The following ALDH4A1 variants were observed in gnomAD, a reference collection of about 807,000 sequenced individuals.
ALDH4A1 encodes the protein aldehyde dehydrogenase 4 family member A1, also known as delta-1-pyrroline-5-carboxylate dehydrogenase, mitochondrial.
Under a neutral mutation model 70.5 loss-of-function variants are expected in ALDH4A1, and 46 were observed. The ratio of observed to expected loss-of-function variants is 0.65; its 90% CI spans 0.51 to 0.83. ALDH4A1 has a LOEUF of 0.83. ALDH4A1 is among the 40% of genes least tolerant of loss of function. The probability of loss-of-function intolerance (pLI) is 0.00; values close to 1 mark genes in which losing one functional copy is unlikely to be tolerated. For synonymous variants in ALDH4A1, 323 were observed against 324.3 expected (o/e 1.00, Z 0.04); for missense variants, 749 against 766.5 (o/e 0.98, Z 0.27).
intron 7 of ALDH4A1, chr1:18,882,542 G>A (rs1406183016): frequency 1.5e-5 from 8 of 528,594 alleles, no homozygotes; most frequent in African/African-American, 3.9e-5. Flanking sequence ...AACCCCGAGA[G>A]AGACTACATC....
chr1:18,896,035 G>A (rs1051642284), intron 1 of ALDH4A1, among the ~76,000 whole-genome samples: 2 of 152,064 alleles, frequency 1.3e-5, no homozygotes, highest in African/African-American at 4.8e-5. Context: ...CGGTCACCCC[G>A]GTCTCTTCTG....
Position 18,875,382 on chromosome 1 carries a change from T to G in ALDH4A1, c.1460A>C (p.Lys487Thr). Residue 487 changes from lysine (K) to threonine (T), a missense_variant and splice_region_variant, in exon 13 of 15, where the codon AAG becomes ACG. Coordinates refer to ENST00000375341, the MANE Select transcript of ALDH4A1 (RefSeq NM_003748.4). ...CCAGGGCTGCGGCCTGGCCACTCAC[T>G]TATCCTGGGAGAACACTGCCCCCGT... Reference protein sequence around the residue: ...GLTGAVFSQDKDVVQEATKVL... With the variant: ...GLTGAVFSQDTDVVQEATKVL... The G allele has an allele frequency of 6.2e-7, 1 of 1,614,022 alleles. No individual in the cohort carries two copies. Among genetic ancestry groups the G allele is most frequent in the Non-Finnish European group, 8.5e-7 (1 of 1,179,986 alleles).
intron 1 of ALDH4A1, among the ~76,000 whole-genome samples, chr1:18,899,594 G>A (rs1935733118): frequency 6.6e-6 from 1 of 152,262 alleles, no homozygotes; most frequent in Admixed American, 6.5e-5. Flanking sequence ...GGGAGGCCTG[G>A]TGTTCACCAG....
At chr1:18,897,033 G>C (rs373926557) in intron 1 of ALDH4A1, 10 of 531,740 alleles carry the variant, frequency 1.9e-5, no homozygotes, top group Non-Finnish European at 3.5e-5. Flanking sequence ...TCATCTCACT[G>C]AATCCACCAC....
In ALDH4A1 at chr1:18,875,466, G is replaced by A. The variant is rs756299719; in HGVS notation, c.1376C>T (p.Pro459Leu). 2.7e-5 allele frequency: 43 copies of A among 1,613,986 alleles called. No individual in the cohort carries two copies. The highest frequency in any genetic ancestry group is 5.3e-5 in the African/African-American group (4 of 74,912). ...FGPVLSVYVY[P>L]DDKYKETLQL... is the part of the protein sequence containing the mutation. ...CAGCGTCTCCTTGTACTTGTCATCC[G>A]GGTAGACGTACACAGACAGTACAGG... The change falls in exon 13 of 15, where the codon CCG (proline) becomes CTG (leucine). Residue 459 changes from proline (P) to leucine (L), a missense_variant. Coordinates refer to ENST00000375341, the MANE Select transcript of ALDH4A1 (RefSeq NM_003748.4).
chr1:18,887,311 C>T (rs1430909061), intron 3 of ALDH4A1, among the ~76,000 whole-genome samples: 1 of 152,242 alleles, frequency 6.6e-6, no homozygotes, highest in African/African-American at 2.4e-5. Flanking sequence ...AAAGAAACTT[C>T]CCTGTTGGCC....
rs143400885 is a variant in ALDH4A1 at position 18,878,265 on chromosome 1, C to A, written c.941-653G>T. Among the ~76,000 whole-genome samples the A allele has an allele frequency of 4.6e-5, 7 of 152,330 alleles. No homozygotes were observed. In the East Asian group the frequency reaches 1.4e-3, roughly 29 times the overall value. On this transcript the variant is annotated intron_variant, in intron 9 of 14. Transcript: ENST00000375341. Reference sequence around the variant, plus strand: ...CACAACAACCTCCCATTACTATCCCCAATTTCAAGCCAAGAAAACTGAGGC... The same window carrying A: ...CACAACAACCTCCCATTACTATCCCAAATTTCAAGCCAAGAAAACTGAGGC...
intron 12 of ALDH4A1, 66 bp downstream of exon 12, chr1:18,876,249 C>G: frequency 6.3e-7 from 1 of 1,580,674 alleles, no homozygotes; most frequent in South Asian, 1.1e-5. Context: ...TCCAGGAGAA[C>G]TGTGTGTGTG....
chr1:18,900,893 A>G (rs1569810651), intron 1 of ALDH4A1: 1 of 985,256 alleles, frequency 1.0e-6, no homozygotes, highest in Non-Finnish European at 1.2e-6. Flanking sequence ...TGTTAGGCCC[A>G]TGGTGCTTGA....
intron 5 of ALDH4A1, among the ~76,000 whole-genome samples, 153 bp from the exon 6 acceptor site, chr1:18,883,581 C>T (rs2100576943): frequency 6.6e-6 from 1 of 152,298 alleles, no homozygotes; most frequent in South Asian, 2.1e-4. Context: ...ATCCCAGGGG[C>T]TGAGGGGGAA....
chr1:18,876,661 C>CTGTGTGTGTGTGTGTGTGTGTGTG (rs10524811), intron 11 of ALDH4A1, among the ~76,000 whole-genome samples, 194 bp from the exon 12 acceptor site: 33,162 of 146,466 alleles, frequency 0.23, 4,449 homozygotes, highest in South Asian at 0.33. Flanking sequence ...GACATGAACA[C>CTGTGTGTGTGTGTGTGTGTGTGTG]TGTGTGTGTG....
intron 1 of ALDH4A1, among the ~76,000 whole-genome samples, chr1:18,896,242 C>T (rs144353189): frequency 4.7e-4 from 72 of 152,260 alleles, no homozygotes; most frequent in African/African-American, 1.6e-3. Flanking sequence ...TCCCATTCAC[C>T]ACCAGGCACC....
chr1:18,884,208 G>A (rs535224843), intron 5 of ALDH4A1, among the ~76,000 whole-genome samples: 3 of 152,300 alleles, frequency 2.0e-5, no homozygotes, highest in East Asian at 1.9e-4. Context: ...AGCAACGTGC[G>A]GCTCACCAGG....
At chr1:18,894,631 C>T (rs1935553723) in intron 1 of ALDH4A1, among the ~76,000 whole-genome samples, 1 of 152,194 alleles carries the variant, frequency 6.6e-6, no homozygotes, top group Non-Finnish European at 1.5e-5. Flanking sequence ...TGCAGGCCTC[C>T]CTCCTCCTTC....
At chr1:18,882,277 C>G (rs894830011) in intron 7 of ALDH4A1, among the ~76,000 whole-genome samples, 8 of 152,204 alleles carry the variant, frequency 5.3e-5, no homozygotes, top group Non-Finnish European at 1.0e-4. Context: ...CAGCCAGGCA[C>G]GTGGGCGCCT....
rs760227262 is a variant in ALDH4A1 at position 18,874,513 on chromosome 1, G to C, written c.1529C>G (p.Ser510Cys). 1.9e-5 allele frequency: 30 copies of C among 1,614,084 alleles called. No individual in the cohort carries two copies. In the Middle Eastern group the frequency reaches 8.2e-4, roughly 44 times the overall value. Reference sequence around the variant, plus strand: ...CTGCTGGCCCACTATCGAGCCAGTGGACTTGTCGTTGATGTAGAAGTTGCC... The same window carrying C: ...CTGCTGGCCCACTATCGAGCCAGTGCACTTGTCGTTGATGTAGAAGTTGCC... ...AAGNFYINDK[S>C]TGSIVGQQPF... Residue 510 changes from serine (S) to cysteine (C), a missense_variant, in exon 14 of 15, where the codon TCC becomes TGC. Physicochemically the swap from Ser to Cys is moderately radical, Grantham distance 112. Transcript: ENST00000375341.
intron 1 of ALDH4A1, among the ~76,000 whole-genome samples, chr1:18,894,879 T>C (rs1396137605): frequency 6.7e-6 from 1 of 149,620 alleles, no homozygotes; most frequent in Non-Finnish European, 1.5e-5. Flanking sequence ...TTTTTTTTTT[T>C]TTTTTTTGGT....
rs75528896 is a variant in ALDH4A1, at chr1:18,874,797, C to T, written c.1461-216G>A. On this transcript the variant is annotated intron_variant, in intron 13 of 14. Transcript: ENST00000375341. ...TCCTCCTCTGGGGAGGGGCTTGGCA[C>T]GCCTCGTTACAGGGCTACTGCGAAG... 9.1e-3 allele frequency among the ~76,000 whole-genome samples: 1,383 copies of T among 152,294 alleles called. 19 individuals are homozygous for T. The highest frequency in any genetic ancestry group is 0.028 in the African/African-American group (1,181 of 41,550).
At position 18,889,429 on chromosome 1, in the gene ALDH4A1, A is replaced by T. The variant is rs534751701; in HGVS notation, c.182T>A (p.Met61Lys). 6 of 1,552,422 alleles carry T rather than the reference A, an allele frequency of 3.9e-6. No individual in the cohort carries two copies. The highest frequency in any genetic ancestry group is 5.2e-6 in the Non-Finnish European group (6 of 1,147,348). The change falls in exon 3 of 15, where the codon ATG becomes AAG. Residue 61 changes from methionine (M) to lysine (K), a missense_variant. Physicochemically the swap from Met to Lys is moderately conservative, Grantham distance 95. Coordinates refer to ENST00000375341, the MANE Select transcript of ALDH4A1 (RefSeq NM_003748.4). Reference sequence around the variant, plus strand: ...CCCCACCACGCATGGGATGGCTTCCATCCGGCCCTTCAGGTCCTTCAAGGC... The same window carrying T: ...CCCCACCACGCATGGGATGGCTTCCTTCCGGCCCTTCAGGTCCTTCAAGGC... ...QKALKDLKGR[M>K]EAIPCVVGDE... is the part of the protein sequence containing the mutation.
Sources: gnomAD v4.1 joint callset for allele counts (sites outside exome capture counted in the v4.1 genomes callset) on GRCh38, gnomAD v4.1.1 for gene constraint, MANE v1.5 for transcripts, NCBI Gene and HGNC (gene_info 2026-07-23, HGNC 2026-07-21) for gene names.